MEGF11: variants seen among roughly 807,000 people sequenced by gnomAD.
MEGF11 encodes multiple epidermal growth factor-like domains protein 11.
MEGF11 carries 126 observed loss-of-function variants against 146.6 expected under a neutral mutation model. The ratio of observed to expected loss-of-function variants is 0.86; its 90% confidence interval spans 0.74 to 1.00. The LOEUF is 1.00. Ranked by LOEUF, MEGF11 falls within the 50% of genes least tolerant of loss-of-function variation. MEGF11 has a pLI of 0.00. For missense variants in MEGF11, 1,509 were observed against 1,521.2 expected (o/e 0.99, Z 0.13); for synonymous variants, 532 against 583.4 (o/e 0.91, Z 1.27).
At chr15:66,040,398 A>G (rs2083920381) in intron 5 of MEGF11, 1 of 153,738 alleles carries the variant, frequency 6.5e-6, no homozygotes, top group Admixed American at 6.5e-5. Context: ...TCAGCACACT[A>G]AAACAATTCC....
chr15:66,108,426 C>T (rs149531856), intron 4 of MEGF11, among the ~76,000 whole-genome samples: 4 of 152,146 alleles, frequency 2.6e-5, no homozygotes, highest in African/African-American at 9.6e-5. Flanking sequence ...ATTGAGGAGA[C>T]AGAAATTTTA....
Position 65,970,504 on chromosome 15 carries a change from G to C in MEGF11, c.899+49C>G, listed in dbSNP as rs772830359. ...GAGCTGTTCTCTGCAAGTCTCCTATGAATATGAGTAAAATGGACAGCAAAG... is the reference window on the plus strand; with the variant it reads ...GAGCTGTTCTCTGCAAGTCTCCTATCAATATGAGTAAAATGGACAGCAAAG... On this transcript the variant is annotated intron_variant, in intron 8 of 25. Transcript: ENST00000395614. The C allele has an allele frequency of 8.2e-6, 13 of 1,588,526 alleles. No homozygotes were observed. The South Asian group carries it at 1.4e-4, about 17-fold the overall frequency.
At chr15:66,065,219 G>A (rs1200724480) in intron 5 of MEGF11, among the ~76,000 whole-genome samples, 1 of 151,512 alleles carries the variant, frequency 6.6e-6, no homozygotes, top group South Asian at 2.1e-4. Context: ...GAAATAGGAT[G>A]GAAAAATGAA....
chr15:65,948,311 CTTG>C (rs530614489), intron 10 of MEGF11, among the ~76,000 whole-genome samples: 1 of 151,998 alleles, frequency 6.6e-6, no homozygotes, highest in East Asian at 1.9e-4. Context: ...CCTTTCTGAC[CTTG>C]TTTTTTTTTT....
At chr15:66,096,619 C>T (rs1348638202) in intron 4 of MEGF11, among the ~76,000 whole-genome samples, 1 of 152,210 alleles carries the variant, frequency 6.6e-6, no homozygotes, top group African/African-American at 2.4e-5. Context: ...GGTGCTGTGA[C>T]AGGCCCACAA....
chr15:66,212,831 T>G (rs2091497176), intron 1 of MEGF11, among the ~76,000 whole-genome samples: 1 of 152,190 alleles, frequency 6.6e-6, no homozygotes, highest in Non-Finnish European at 1.5e-5. Context: ...CAGTTGGGAC[T>G]CAAGTTGAAG....
chr15:65,945,147 C>T (rs1363632209), intron 10 of MEGF11, among the ~76,000 whole-genome samples: 6 of 152,226 alleles, frequency 3.9e-5, no homozygotes, highest in South Asian at 2.1e-4. Context: ...CTGCCCTCCT[C>T]GGCCTCCTAA....
intron 7 of MEGF11, among the ~76,000 whole-genome samples, chr15:65,977,766 G>C (rs2081501145): frequency 6.6e-6 from 1 of 151,832 alleles, no homozygotes; most frequent in Admixed American, 6.6e-5. Flanking sequence ...TTCTTTGTGT[G>C]TGTGTGTGTA....
intron 1 of MEGF11, among the ~76,000 whole-genome samples, chr15:66,211,176 G>T (rs1262830258): frequency 6.6e-6 from 1 of 152,112 alleles, no homozygotes; most frequent in Admixed American, 6.5e-5. Flanking sequence ...ATATTAACTT[G>T]TTTTCTTTGC....
intron 10 of MEGF11, 40 bp from the exon 11 acceptor site, chr15:65,930,983 C>T (rs751247670): frequency 6.6e-7 from 1 of 1,518,960 alleles, no homozygotes; most frequent in Non-Finnish European, 8.9e-7. Context: ...AAAGGTTGCT[C>T]CATGTTGGAT....
intron 5 of MEGF11, among the ~76,000 whole-genome samples, chr15:66,050,305 G>C (rs952329691): frequency 6.6e-6 from 1 of 152,222 alleles, no homozygotes; most frequent in Non-Finnish European, 1.5e-5. Flanking sequence ...TGTCCAATGT[G>C]GGAGAGCAAT....
chr15:65,996,512 G>A (rs1478773422), intron 5 of MEGF11, among the ~76,000 whole-genome samples: 4 of 148,372 alleles, frequency 2.7e-5, no homozygotes, highest in African/African-American at 1.0e-4. Context: ...CTCAGATGGA[G>A]TCTCACTCTG....
chr15:66,038,388 T>C (rs542125143), intron 5 of MEGF11, among the ~76,000 whole-genome samples: 57 of 152,262 alleles, frequency 3.7e-4, no homozygotes, highest in African/African-American at 1.3e-3. Flanking sequence ...TTCTCCTTTA[T>C]AAAATCGAGG....
intron 5 of MEGF11, among the ~76,000 whole-genome samples, chr15:66,032,959 T>G (rs2083583607): frequency 6.6e-6 from 1 of 151,544 alleles, no homozygotes. Flanking sequence ...CAGGTGCCTA[T>G]AGTGCCAGCT....
intron 4 of MEGF11, among the ~76,000 whole-genome samples, chr15:66,109,490 C>G (rs2087272345): frequency 6.6e-6 from 1 of 152,182 alleles, no homozygotes; most frequent in Non-Finnish European, 1.5e-5. Flanking sequence ...CTACTAAATG[C>G]TTTATTTGTA....
Position 66,209,241 on chromosome 15 carries a change from T to G in MEGF11, c.-9+44364A>C, listed in dbSNP as rs2140120189. On this transcript the variant is annotated intron_variant, in intron 1 of 25. Coordinates refer to ENST00000395614, the MANE Select transcript of MEGF11 (RefSeq NM_001385028.1). Reference sequence around the variant, plus strand: ...GGCGGGCGCCTGCAGTCCCAGCCACTTGGGAGGCTCAGGCAAGAGAATGGC... The same window carrying G: ...GGCGGGCGCCTGCAGTCCCAGCCACGTGGGAGGCTCAGGCAAGAGAATGGC... Among the ~76,000 whole-genome samples the G allele has an allele frequency of 2.6e-5, 4 of 152,012 alleles. No individual in the cohort carries two copies. The Middle Eastern group carries it at 0.01, about 390-fold the overall frequency.
In MEGF11 at chr15:65,915,336, A is replaced by G. The variant is rs2141214444; in HGVS notation, c.2473+134T>C. 4 of 1,221,294 alleles carry G rather than the reference A, an allele frequency of 3.3e-6. 1 individual carries two copies. The East Asian group carries it at 1.0e-4, about 31-fold the overall frequency. 75.7% of individuals were successfully genotyped at this position (1,221,294 alleles called of 1,614,324 possible). A position where few individuals can be genotyped will look rare whatever the true frequency, so the allele number is the denominator to read the frequency against. The stretch of plus-strand genomic sequence containing the variant: ...TCAGCACTTGGAGCCTCTGCAGCCC[A>G]CCCTATTCCTGCTGTCCTCACAAAT... On this transcript the variant is annotated intron_variant, in intron 19 of 25. Transcript: ENST00000395614.
intron 10 of MEGF11, among the ~76,000 whole-genome samples, chr15:65,931,864 AAGCTACTGCCTC>A (rs529342036): frequency 4.6e-4 from 70 of 152,366 alleles, no homozygotes; most frequent in African/African-American, 1.6e-3. Flanking sequence ...TAGGAGATAG[AAGCTACTGCCTC>A]AGCATTATTC....
chr15:66,087,624 A>G (rs185637554), intron 5 of MEGF11, among the ~76,000 whole-genome samples: 16 of 152,350 alleles, frequency 1.1e-4, no homozygotes, highest in Admixed American at 3.9e-4. Flanking sequence ...TCTTCGAATG[A>G]CAATAATGAC....
Sources: allele counts gnomAD v4.1 joint callset (sites outside exome capture counted in the v4.1 genomes callset), GRCh38; gene constraint gnomAD v4.1.1; transcripts MANE v1.5; gene names NCBI Gene and HGNC (gene_info 2026-07-23, HGNC 2026-07-21).